ZNF654: variants seen among roughly 807,000 people sequenced by gnomAD.
ZNF654 encodes the protein zinc finger protein 654, also known as melanoma-associated antigen.
ZNF654 carries 19 observed loss-of-function variants against 95.3 expected under a neutral mutation model. The ratio of observed to expected loss-of-function variants is 0.20; its 90% CI spans 0.14 to 0.29. ZNF654 has a LOEUF of 0.29. Among genes scored for constraint, ZNF654 ranks in the 10% least tolerant of loss-of-function variants. The pLI is 1.00. For synonymous variants in ZNF654, 413 were observed against 457.9 expected (o/e 0.90, Z 1.25); for missense variants, 1,046 against 1,341.0 (o/e 0.78, Z 3.44).
chr3:88,108,454 T>G (rs1409218601), intron 2 of ZNF654, among the ~76,000 whole-genome samples: 2 of 152,208 alleles, frequency 1.3e-5, no homozygotes, highest in East Asian at 3.8e-4. Context: ...CATCTGTGGA[T>G]TCACTTTCTG....
chr3:88,061,005 TG>T (rs1228623588), intron 1 of ZNF654, among the ~76,000 whole-genome samples: 2 of 152,116 alleles, frequency 1.3e-5, no homozygotes, highest in African/African-American at 4.8e-5. Context: ...TTCTTGAAAA[TG>T]TATTTTTATT....
intron 2 of ZNF654, among the ~76,000 whole-genome samples, chr3:88,093,792 A>G (rs565710777): frequency 6.6e-6 from 1 of 152,310 alleles, no homozygotes; most frequent in Admixed American, 6.5e-5. Flanking sequence ...TAGGCTTTCA[A>G]CTAATTTAGG....
chr3:88,081,907 A>G (rs1389062003), intron 1 of ZNF654, among the ~76,000 whole-genome samples: 2 of 152,240 alleles, frequency 1.3e-5, no homozygotes, highest in East Asian at 1.9e-4. Context: ...ACTTTTATAT[A>G]TACAACTACG....
intron 3 of ZNF654, 25 bp downstream of exon 3, chr3:88,113,221 A>G: frequency 7.1e-7 from 1 of 1,409,340 alleles, no homozygotes; most frequent in Non-Finnish European, 9.7e-7. Context: ...ACTACTTCAC[A>G]CTTTGTCTAC....
In ZNF654 at chr3:88,139,198, C is replaced by G; in HGVS notation, c.1529C>G (p.Thr510Ser). 1 of 1,454,910 alleles carries G rather than the reference C, an allele frequency of 6.9e-7. No homozygotes were observed. Among genetic ancestry groups the G allele is most frequent in the Non-Finnish European group, 9.0e-7 (1 of 1,105,346 alleles). 90.1% of individuals were successfully genotyped at this position (1,454,910 alleles called of 1,614,324 possible). A position where few individuals can be genotyped will look rare whatever the true frequency, so the allele number is the denominator to read the frequency against. Residue 510 changes from threonine to serine, a missense_variant, in exon 8 of 9, where the codon ACT (threonine) becomes AGT (serine). Physicochemically the swap from Thr to Ser is moderately conservative, Grantham distance 58 (BLOSUM62 1). Transcript: ENST00000636215. ...DSLTDQSTGE[T>S]DPDDVSGVQP... is the part of the protein sequence containing the mutation. ...CTTACAGATCAGAGCACTGGAGAGACTGATCCTGATGATGTATCTGGAGTG... is the reference window on the plus strand; with the variant it reads ...CTTACAGATCAGAGCACTGGAGAGAGTGATCCTGATGATGTATCTGGAGTG...
chr3:88,103,877 C>T (rs374746490), intron 2 of ZNF654, among the ~76,000 whole-genome samples: 20 of 147,916 alleles, frequency 1.4e-4, no homozygotes, highest in African/African-American at 5.0e-4. Flanking sequence ...AGCGATTCTT[C>T]TGCCTCAGTC....
intron 3 of ZNF654, among the ~76,000 whole-genome samples, chr3:88,120,518 A>G (rs1653404308): frequency 6.6e-6 from 1 of 152,160 alleles, no homozygotes; most frequent in South Asian, 2.1e-4. Context: ...GCAAGGAAGA[A>G]GCAAATCAGG....
intron 6 of ZNF654, among the ~76,000 whole-genome samples, chr3:88,130,514 C>T (rs760227286): frequency 6.6e-6 from 1 of 151,778 alleles, no homozygotes; most frequent in Non-Finnish European, 1.5e-5. Context: ...TACAGTGGTG[C>T]GATCATGGCT....
chr3:88,066,293 C>T (rs1173962707), intron 1 of ZNF654, among the ~76,000 whole-genome samples: 1 of 152,104 alleles, frequency 6.6e-6, no homozygotes, highest in Non-Finnish European at 1.5e-5. Flanking sequence ...TCTATCCGTG[C>T]CAGGGTGTGG....
intron 2 of ZNF654, among the ~76,000 whole-genome samples, chr3:88,093,124 A>G (rs1703849408): frequency 6.6e-6 from 1 of 152,216 alleles, no homozygotes; most frequent in Non-Finnish European, 1.5e-5. Flanking sequence ...CATTCTTTGT[A>G]GATAAGAAAA....
At chr3:88,126,306 G>C (rs764277893) in intron 4 of ZNF654, 37 bp downstream of exon 4, 1 of 1,423,448 alleles carries the variant, frequency 7.0e-7, no homozygotes, top group South Asian at 1.6e-5. Context: ...CAACATTTGT[G>C]AGAAGCAAAT....
Position 88,139,224 on chromosome 3 carries a change from C to T in ZNF654, c.1555C>T (p.Gln519Ter). Reference sequence around the variant, plus strand: ...TGATCCTGATGATGTATCTGGAGTGCAGCCTAAAGGTCATATTAATACGAA... The same window carrying T: ...TGATCCTGATGATGTATCTGGAGTGTAGCCTAAAGGTCATATTAATACGAA... ...ETDPDDVSGV[Q>*]PKGHINTKKN... The change falls in exon 8 of 9, where the codon CAG becomes TAG. Residue 519 changes from glutamine to a stop codon, truncating the protein, a stop_gained. Coordinates refer to ENST00000636215, the MANE Select transcript of ZNF654 (RefSeq NM_001350134.2). LOFTEE classifies it high-confidence loss of function. The T allele has an allele frequency of 6.8e-7, 1 of 1,477,350 alleles. No individual in the cohort carries two copies. The highest frequency in any genetic ancestry group is 9.0e-7 in the Non-Finnish European group (1 of 1,117,030). The allele number at this position is 1,477,350 out of a possible 1,614,324, so 91.5% of individuals were successfully genotyped here.
chr3:88,123,919 G>T (rs1705928118), intron 3 of ZNF654, among the ~76,000 whole-genome samples: 1 of 152,160 alleles, frequency 6.6e-6, no homozygotes, highest in Non-Finnish European at 1.5e-5. Context: ...CTTACCTTGG[G>T]AGGTTTCAGT....
At chr3:88,060,147 A>C (rs972644426) in intron 1 of ZNF654, among the ~76,000 whole-genome samples, 3 of 152,000 alleles carry the variant, frequency 2.0e-5, no homozygotes, top group Admixed American at 2.0e-4. Context: ...CGGTTGACAC[A>C]CGCACTCTTT....
chr3:88,118,918 C>T (rs1470066703), intron 3 of ZNF654, among the ~76,000 whole-genome samples: 1 of 150,258 alleles, frequency 6.7e-6, no homozygotes, highest in African/African-American at 2.5e-5. Flanking sequence ...GAAATAGGAA[C>T]ACTTTTACAC....
At chr3:88,109,774 A>G (rs896071593) in intron 2 of ZNF654, among the ~76,000 whole-genome samples, 1 of 152,178 alleles carries the variant, frequency 6.6e-6, no homozygotes, top group Non-Finnish European at 1.5e-5. Context: ...AAATTTTTTT[A>G]TAAATGTATA....
chr3:88,075,866 A>C (rs1040010173), intron 1 of ZNF654, among the ~76,000 whole-genome samples: 3 of 152,088 alleles, frequency 2.0e-5, no homozygotes, highest in African/African-American at 7.2e-5. Context: ...ATTCAATATC[A>C]AGCAAATTTT....
intron 6 of ZNF654, among the ~76,000 whole-genome samples, chr3:88,134,119 G>C (rs1706625775): frequency 6.6e-6 from 1 of 151,500 alleles, no homozygotes; most frequent in South Asian, 2.1e-4. Context: ...AAAAAAAGGT[G>C]GGGGGTAGTG....
intron 2 of ZNF654, among the ~76,000 whole-genome samples, chr3:88,097,612 C>G (rs752853112): frequency 6.6e-6 from 1 of 152,062 alleles, no homozygotes; most frequent in Non-Finnish European, 1.5e-5. Context: ...TGTAAAAGAA[C>G]AGAAATCACA....
Sources: gnomAD v4.1 joint callset for allele counts (sites outside exome capture counted in the v4.1 genomes callset) on GRCh38, gnomAD v4.1.1 for gene constraint, MANE v1.5 for transcripts, NCBI Gene and HGNC (gene_info 2026-07-23, HGNC 2026-07-21) for gene names.